The following PTPRD variants were observed in gnomAD, a reference collection of about 807,000 sequenced individuals.
PTPRD encodes the protein receptor-type tyrosine-protein phosphatase delta.
A neutral mutation model predicts 214.5 loss-of-function variants in PTPRD; 34 were observed. The observed-to-expected ratio is 0.16, with a 90% CI of 0.12 to 0.21. The LOEUF (loss-of-function observed/expected upper bound fraction) is 0.21, where lower values mean the gene tolerates loss of function less well. Ranked by LOEUF, PTPRD falls within the 10% of genes least tolerant of loss-of-function variation. The pLI is 1.00. For missense variants in PTPRD, 2,545 were observed against 2,398.7 expected (o/e 1.06, Z -1.27); for synonymous variants, 1,128 against 845.7 (o/e 1.33, Z -5.79).
chr9:10,042,233 T>C (rs529306876), intron 3 of PTPRD, among the ~76,000 whole-genome samples: 9 of 152,106 alleles, frequency 5.9e-5, no homozygotes, highest in Non-Finnish European at 1.0e-4. Flanking sequence ...CATTTCTCTA[T>C]GTGTAATTTA....
intron 8 of PTPRD, among the ~76,000 whole-genome samples, chr9:9,436,907 C>G (rs1004733615): frequency 7.6e-4 from 115 of 150,628 alleles, no homozygotes; most frequent in Middle Eastern, 3.5e-3. Flanking sequence ...AAAAGCCTGT[C>G]TACGATACCT....
chr9:9,439,558 T>C (rs2086689169), intron 8 of PTPRD, among the ~76,000 whole-genome samples: 1 of 152,146 alleles, frequency 6.6e-6, no homozygotes, highest in Admixed American at 6.5e-5. Flanking sequence ...GTAAACACAA[T>C]AGGAAACTGC....
intron 2 of PTPRD, among the ~76,000 whole-genome samples, chr9:10,427,444 G>A (rs978594092): frequency 1.3e-5 from 2 of 152,046 alleles, no homozygotes; most frequent in Non-Finnish European, 2.9e-5. Flanking sequence ...TTCAATAGCT[G>A]CTGGCTCTCA....
intron 7 of PTPRD, among the ~76,000 whole-genome samples, chr9:9,712,664 T>G (rs756183496): frequency 6.6e-6 from 1 of 152,172 alleles, no homozygotes; most frequent in Non-Finnish European, 1.5e-5. Context: ...GAAACTACAA[T>G]GGATTATAAT....
chr9:8,822,926 G>A (rs1212542358), intron 11 of PTPRD, among the ~76,000 whole-genome samples: 2 of 152,214 alleles, frequency 1.3e-5, no homozygotes, highest in East Asian at 1.9e-4. Flanking sequence ...TAAGCCCAGT[G>A]TTCACACAGC....
intron 7 of PTPRD, among the ~76,000 whole-genome samples, chr9:9,715,106 C>G (rs2097795403): frequency 6.6e-6 from 1 of 152,118 alleles, no homozygotes. Context: ...GTCCAAATAA[C>G]TTTGTGACTT....
At chr9:9,848,902 T>G (rs1202038559) in intron 5 of PTPRD, among the ~76,000 whole-genome samples, 1 of 152,030 alleles carries the variant, frequency 6.6e-6, no homozygotes, top group Non-Finnish European at 1.5e-5. Flanking sequence ...TAAAAATCAA[T>G]TAATAAAAAA....
intron 2 of PTPRD, among the ~76,000 whole-genome samples, chr9:10,470,632 G>A (rs1404300541): frequency 6.6e-6 from 1 of 152,010 alleles, no homozygotes; most frequent in East Asian, 1.9e-4. Context: ...TGCATTGTAG[G>A]TTATTTAACA....
intron 4 of PTPRD, among the ~76,000 whole-genome samples, chr9:10,000,772 A>T (rs559251190): frequency 6.6e-6 from 1 of 152,248 alleles, no homozygotes; most frequent in Non-Finnish European, 1.5e-5. Context: ...CAACATGGCC[A>T]GCTTGGTGAT....
At chr9:10,565,127 G>T (rs1423052983) in intron 2 of PTPRD, among the ~76,000 whole-genome samples, 1 of 151,946 alleles carries the variant, frequency 6.6e-6, no homozygotes, top group African/African-American at 2.4e-5. Flanking sequence ...ATTTCTCAAA[G>T]ATTACACTTA....
At chr9:8,905,513 C>A (rs978211574) in intron 11 of PTPRD, among the ~76,000 whole-genome samples, 1 of 151,624 alleles carries the variant, frequency 6.6e-6, no homozygotes. Flanking sequence ...TTGAGGCGGG[C>A]GGATTACCTG....
intron 11 of PTPRD, among the ~76,000 whole-genome samples, chr9:8,975,497 A>G (rs1589167237): frequency 6.6e-6 from 1 of 152,042 alleles, no homozygotes; most frequent in Non-Finnish European, 1.5e-5. Context: ...TACATGGTAT[A>G]TAGTAAAAAT....
At chr9:8,786,983 C>T (rs966942487) in intron 11 of PTPRD, among the ~76,000 whole-genome samples, 25 of 151,960 alleles carry the variant, frequency 1.6e-4, no homozygotes, top group Non-Finnish European at 2.5e-4. Flanking sequence ...ACTACAGGTG[C>T]GCACCACCAC....
chr9:8,776,497 C>T (rs1434324082), intron 11 of PTPRD, among the ~76,000 whole-genome samples: 8 of 142,374 alleles, frequency 5.6e-5, no homozygotes, highest in Admixed American at 3.7e-4. Context: ...GGGATTTCGT[C>T]ATGTTGCCCA....
chr9:8,884,874 T>C (rs1219122128), intron 11 of PTPRD, among the ~76,000 whole-genome samples: 1 of 152,204 alleles, frequency 6.6e-6, no homozygotes, highest in African/African-American at 2.4e-5. Context: ...GGAGGTTACA[T>C]ACTGCACATC....
chr9:8,611,768 AGGAGGGGAGGGGAGG>A (rs143058348), intron 14 of PTPRD, among the ~76,000 whole-genome samples: 1 of 139,166 alleles, frequency 7.2e-6, no homozygotes, highest in African/African-American at 2.7e-5. Flanking sequence ...AAGAAAAGAA[AGGAGGGGAGGGGAGG>A]GGAGGGGAGA....
chr9:9,021,825 T>C lies in PTPRD; in HGVS notation c.-142-3090A>G, dbSNP rs551459743. On this transcript the variant is annotated intron_variant, in intron 10 of 45. Transcript: ENST00000381196. ...TAGAATGATAATACAAAGAAATATTTTTGTACAGCTGTACAATGTGTGCTT... is the reference window on the plus strand; with the variant it reads ...TAGAATGATAATACAAAGAAATATTCTTGTACAGCTGTACAATGTGTGCTT... Among the ~76,000 whole-genome samples, 83 of 152,288 alleles carry C rather than the reference T, an allele frequency of 5.5e-4. 1 individual carries two copies. Among genetic ancestry groups the C allele is most frequent in the African/African-American group, 1.9e-3 (77 of 41,572 alleles).
intron 11 of PTPRD, among the ~76,000 whole-genome samples, chr9:8,991,300 A>C (rs2154347775): frequency 6.6e-6 from 1 of 152,058 alleles, no homozygotes; most frequent in South Asian, 2.1e-4. Flanking sequence ...TGTCACATAA[A>C]ACTAGGATTA....
At chr9:8,333,111 G>A (rs749912885) in intron 43 of PTPRD, among the ~76,000 whole-genome samples, 16 of 152,142 alleles carry the variant, frequency 1.1e-4, no homozygotes, top group African/African-American at 3.6e-4. Context: ...AGATAAACAG[G>A]AAGATGACAC....
Sources: gnomAD v4.1 joint callset for allele counts (sites outside exome capture counted in the v4.1 genomes callset) on GRCh38, gnomAD v4.1.1 for gene constraint, MANE v1.5 for transcripts, NCBI Gene and HGNC (gene_info 2026-07-23, HGNC 2026-07-21) for gene names.